LDAF1: variants seen among roughly 807,000 people sequenced by gnomAD.
The protein encoded by LDAF1 is lipid droplet assembly factor 1.
In LDAF1, 7 loss-of-function variants were observed where a neutral mutation model predicts 13.5. The ratio of observed to expected loss-of-function variants is 0.52; its 90% CI spans 0.29 to 0.97. The LOEUF is 0.97. Ranked by LOEUF, LDAF1 falls within the 50% of genes least tolerant of loss-of-function variation. LDAF1 has a pLI of 0.07. For synonymous variants in LDAF1, 69 were observed against 77.1 expected, an observed-to-expected ratio of 0.89 and a Z score of 0.55; for missense variants, 148 against 193.2, an observed-to-expected ratio of 0.77 and a Z score of 1.39.
At chr16:21,160,925 T>C in intron 1 of LDAF1, 160 bp from the exon 2 acceptor site, 1 of 819,938 alleles carries the variant, frequency 1.2e-6, no homozygotes, top group Non-Finnish European at 1.7e-6. Context: ...TCCTGGAATA[T>C]AAATTCCTGG....
intron 2 of LDAF1, among the ~76,000 whole-genome samples, chr16:21,162,636 A>G (rs139532744): frequency 1.4e-4 from 22 of 152,272 alleles, no homozygotes; most frequent in Non-Finnish European, 3.1e-4. Context: ...ACTCGAAGAG[A>G]TGCTTGTTTG....
rs528830615 is a variant in LDAF1 at position 21,172,383 on chromosome 16, T to C, written c.266-1627T>C. On this transcript the variant is annotated intron_variant, in intron 3 of 4. Transcript: ENST00000233047. ...ATCACTTGAGCCTGGGAGGTGGAGG[T>C]TGCAGTGAGCCAAGATTGCACCATT... Among the ~76,000 whole-genome samples, 18 of 151,718 alleles carry C rather than the reference T, an allele frequency of 1.2e-4. No individual in the cohort carries two copies. In the South Asian group the frequency reaches 1.9e-3, roughly 16 times the overall value.
Position 21,161,214 on chromosome 16 carries a change from G to C in LDAF1, c.32G>C (p.Arg11Thr). Reference protein sequence around the residue: MAKEEPQSISRDLQELQKKLS... With the variant: MAKEEPQSISTDLQELQKKLS... The stretch of plus-strand genomic sequence containing the variant: ...AAAGAGGAGCCCCAGAGTATCTCAA[G>C]GGACTTGCAGGAACTGCAGAAGAAG... Residue 11 changes from arginine to threonine, a missense_variant, in exon 2 of 5, where the codon AGG becomes ACG. Coordinates refer to ENST00000233047, the MANE Select transcript of LDAF1 (RefSeq NM_001301771.2). 1 of 1,614,232 alleles carries C rather than the reference G, an allele frequency of 6.2e-7. No homozygotes were observed. The highest frequency in any genetic ancestry group is 8.5e-7 in the Non-Finnish European group (1 of 1,180,046).
At chr16:21,160,979 T>C in intron 1 of LDAF1, 106 bp from the exon 2 acceptor site, 1 of 1,323,972 alleles carries the variant, frequency 7.6e-7, no homozygotes, top group South Asian at 2.1e-5. Context: ...TATTGCCAGG[T>C]TACCCTCCGT....
chr16:21,167,868 G>A (rs1409522270), intron 2 of LDAF1, among the ~76,000 whole-genome samples: 3 of 150,068 alleles, frequency 2.0e-5, no homozygotes, highest in South Asian at 2.1e-4. Flanking sequence ...TTAGCTGGGC[G>A]TGGTGGGGGC....
intron 2 of LDAF1, among the ~76,000 whole-genome samples, chr16:21,166,578 C>T (rs2093026133): frequency 6.6e-6 from 1 of 152,222 alleles, no homozygotes; most frequent in Non-Finnish European, 1.5e-5. Context: ...CCCAGCCTCA[C>T]AAGTTCCTTC....
intron 3 of LDAF1, among the ~76,000 whole-genome samples, chr16:21,172,316 G>A (rs996676726): frequency 6.6e-6 from 1 of 151,920 alleles, no homozygotes; most frequent in Non-Finnish European, 1.5e-5. Context: ...GCATGGTGGT[G>A]GGCACCTGTA....
chr16:21,167,991 A>G (rs1171860869), intron 2 of LDAF1, among the ~76,000 whole-genome samples: 1 of 144,280 alleles, frequency 6.9e-6, no homozygotes, highest in Non-Finnish European at 1.5e-5. Flanking sequence ...GGGCGACAAG[A>G]GCAAAACTCC....
chr16:21,170,469 G>C lies in LDAF1; in HGVS notation c.129G>C (p.Gln43His). The C allele has an allele frequency of 1.2e-6, 2 of 1,614,158 alleles. No individual in the cohort carries two copies. Among genetic ancestry groups the C allele is most frequent in the Non-Finnish European group, 1.7e-6 (2 of 1,180,034 alleles). The change falls in exon 3 of 5, where the codon CAG becomes CAC. Residue 43 changes from glutamine to histidine, a missense_variant. Physicochemically the swap from Gln to His is conservative, Grantham distance 24. Coordinates refer to ENST00000233047, the MANE Select transcript of LDAF1 (RefSeq NM_001301771.2). ...CCTTTATGAAGTCTCCAGTGGGTCAGTACTTGGACAGCCATCCGTTTCTGG... is the reference window on the plus strand; with the variant it reads ...CCTTTATGAAGTCTCCAGTGGGTCACTACTTGGACAGCCATCCGTTTCTGG... The part of the protein sequence containing the change: ...VVAFMKSPVG[Q>H]YLDSHPFLAF...
At chr16:21,164,412 T>A (rs1230144471) in intron 2 of LDAF1, among the ~76,000 whole-genome samples, 27 of 152,062 alleles carry the variant, frequency 1.8e-4, no homozygotes, top group Non-Finnish European at 5.9e-5. Context: ...ACTCAGCTAA[T>A]GTTTTATTTT....
chr16:21,162,012 GC>G (rs1233573999), intron 2 of LDAF1, among the ~76,000 whole-genome samples: 1 of 152,038 alleles, frequency 6.6e-6, no homozygotes, highest in Admixed American at 6.6e-5. Flanking sequence ...ACCAAAATGA[GC>G]AGGTGTGGTG....
chr16:21,173,599 A>T (rs1386053337), intron 3 of LDAF1, among the ~76,000 whole-genome samples: 2 of 152,126 alleles, frequency 1.3e-5, no homozygotes, highest in Non-Finnish European at 1.5e-5. Context: ...CTGTAATCTC[A>T]GCTCGTCAGG....
intron 2 of LDAF1, chr16:21,165,544 C>T: frequency 2.1e-6 from 2 of 972,830 alleles, no homozygotes; most frequent in Non-Finnish European, 2.4e-6. Context: ...ATTCCACTTT[C>T]ATACCCATCT....
intron 4 of LDAF1, among the ~76,000 whole-genome samples, chr16:21,177,586 G>A (rs1273895522): frequency 6.8e-6 from 1 of 147,958 alleles, no homozygotes; most frequent in Admixed American, 6.8e-5. Flanking sequence ...TGTGAACATG[G>A]TTTTCATCTG....
chr16:21,174,974 G>A (rs1007368622), intron 4 of LDAF1, among the ~76,000 whole-genome samples: 1 of 152,138 alleles, frequency 6.6e-6, no homozygotes, highest in African/African-American at 2.4e-5. Flanking sequence ...CTACAATATG[G>A]CTCTTCAATG....
intron 2 of LDAF1, among the ~76,000 whole-genome samples, chr16:21,167,105 T>A (rs140800459): frequency 1.3e-5 from 2 of 152,220 alleles, no homozygotes; most frequent in Non-Finnish European, 2.9e-5. Context: ...CCAAGACCAA[T>A]GGCTGTGGCT....
chr16:21,162,234 A>G (rs558763886), intron 2 of LDAF1, among the ~76,000 whole-genome samples: 4 of 152,322 alleles, frequency 2.6e-5, no homozygotes, highest in South Asian at 4.1e-4. Flanking sequence ...AATCATTTAT[A>G]CAAAATTATT....
chr16:21,174,707 A>G (rs1439102724), intron 4 of LDAF1, among the ~76,000 whole-genome samples: 1 of 152,182 alleles, frequency 6.6e-6, no homozygotes, highest in African/African-American at 2.4e-5. Flanking sequence ...TAGCAACTCT[A>G]TCAGTATTAT....
At chr16:21,166,682 T>C (rs2152844149) in intron 2 of LDAF1, among the ~76,000 whole-genome samples, 1 of 152,312 alleles carries the variant, frequency 6.6e-6, no homozygotes, top group South Asian at 2.1e-4. Context: ...CCCACTGTGG[T>C]TCTTTGGATT....
Sources: allele counts gnomAD v4.1 joint callset (sites outside exome capture counted in the v4.1 genomes callset), GRCh38; gene constraint gnomAD v4.1.1; transcripts MANE v1.5; gene names NCBI Gene and HGNC (gene_info 2026-07-23, HGNC 2026-07-21).